Variants in MYO1H observed in about 807,000 individuals in gnomAD.
MYO1H encodes myosin IH.
Under a neutral mutation model 149.3 loss-of-function variants are expected in MYO1H, and 118 were observed. The ratio of observed to expected loss-of-function variants is 0.79; its 90% CI spans 0.68 to 0.92. The LOEUF is 0.92. Among genes scored for constraint, MYO1H ranks in the 40% least tolerant of loss-of-function variants. MYO1H has a pLI of 0.00. For synonymous variants in MYO1H, 447 were observed against 465.2 expected, an observed-to-expected ratio of 0.96 and a Z score of 0.50; for missense variants, 1,212 against 1,280.7, an observed-to-expected ratio of 0.95 and a Z score of 0.82.
At chr12:109,316,052 A>T in the MYO1H span, among the ~76,000 whole-genome samples, 1 of 151,750 alleles carries the variant, frequency 6.6e-6, no homozygotes, top group Admixed American at 6.6e-5. Flanking sequence ...GTAACTCTTG[A>T]TTAGAATAAT....
In MYO1H at chr12:109,411,645, T is replaced by C. The variant is rs191757339; in HGVS notation, c.1411-249T>C. ...GTGTGGAGTATCCTTGGGAAGACTT[T>C]GAGTCAGATGGTCAGAGTGTTGCCT... On this transcript the variant is annotated intron_variant, in intron 13 of 31. Coordinates refer to ENST00000310903, the Ensembl canonical transcript of MYO1H. Among the ~76,000 whole-genome samples the C allele has an allele frequency of 3.8e-3, 574 of 152,290 alleles. 7 individuals are homozygous for C. The highest frequency in any genetic ancestry group is 0.013 in the African/African-American group (544 of 41,550).
chr12:109,414,049 T>A (rs1420000845), intron 14 of MYO1H, among the ~76,000 whole-genome samples: 4 of 152,228 alleles, frequency 2.6e-5, no homozygotes, highest in Non-Finnish European at 5.9e-5. Context: ...GGACTGGTAA[T>A]GAATGCTCTG....
chr12:109,443,108 A>ATATG lies in MYO1H; in HGVS notation c.2689-405_2689-404insATGT, dbSNP rs1165852562. ...TATGTGTGTATATATGTGTACGTAT[A>ATATG]TGTGTGTATATGTGTACGTATATAT... On this transcript the variant is annotated intron_variant, in intron 27 of 31. Transcript: ENST00000310903. 2.8e-5 allele frequency among the ~76,000 whole-genome samples: 2 copies of ATATG among 71,060 alleles called. 1 individual carries two copies. Among genetic ancestry groups the ATATG allele is most frequent in the Admixed American group, 2.8e-4 (2 of 7,228 alleles). 46.6% of individuals were successfully genotyped at this position (71,060 alleles called of 152,430 possible).
chr12:109,329,780 G>A, the MYO1H span, among the ~76,000 whole-genome samples: 1 of 152,140 alleles, frequency 6.6e-6, no homozygotes, highest in African/African-American at 2.4e-5. Flanking sequence ...TACATCATGT[G>A]CCAATTATAT....
upstream of MYO1H, among the ~76,000 whole-genome samples, chr12:109,345,287 A>G (rs916501065): frequency 3.4e-4 from 52 of 152,336 alleles, no homozygotes; most frequent in African/African-American, 1.2e-3. Context: ...CATCTTGAAA[A>G]TGGGCGAAGG....
In MYO1H at chr12:109,432,936, C is replaced by A. The variant is rs372198621; in HGVS notation, c.1989C>A (p.His663Gln). 1.4e-5 allele frequency: 23 copies of A among 1,613,870 alleles called. No homozygotes were observed. The Admixed American group carries it at 3.8e-4, about 27-fold the overall frequency. The change falls in exon 20 of 32, where the codon CAC becomes CAA. Residue 663 changes from histidine to glutamine, a missense_variant. Coordinates refer to ENST00000310903, the Ensembl canonical transcript of MYO1H. ...GCCCAGACACCTGGCCGCACTGGCACGGGCCTCCAGCAGAGGGCGTGGAAC... is the reference window on the plus strand; with the variant it reads ...GCCCAGACACCTGGCCGCACTGGCAAGGGCCTCCAGCAGAGGGCGTGGAAC...
intron 15 of MYO1H, 144 bp from the exon 16 acceptor site, chr12:109,420,837 A>C (rs1871141383): frequency 3.0e-6 from 2 of 664,122 alleles, no homozygotes; most frequent in Non-Finnish European, 5.4e-6. Context: ...CCCAGCCCCA[A>C]ATACCCATAG....
In MYO1H at chr12:109,403,978, A is replaced by G. The variant is rs374594796; in HGVS notation, c.751-4A>G. 7.4e-6 allele frequency: 12 copies of G among 1,610,940 alleles called. No individual in the cohort carries two copies. Among genetic ancestry groups the G allele is most frequent in the Non-Finnish European group, 9.3e-6 (11 of 1,177,504 alleles). On this transcript the variant is annotated splice_region_variant and splice_polypyrimidine_tract_variant and intron_variant, in intron 6 of 31. Coordinates refer to ENST00000310903, the Ensembl canonical transcript of MYO1H. ...ATTAAGTGACTCAAACTTTTTGTCA[A>G]CAGGGTCATTGTGCCAAAGAGTCAT...
chr12:109,320,925 C>G, the MYO1H span, among the ~76,000 whole-genome samples: 1 of 151,484 alleles, frequency 6.6e-6, no homozygotes, highest in Non-Finnish European at 1.5e-5. Flanking sequence ...CCATCTCTAC[C>G]AAAAATAACA....
intron 7 of MYO1H, among the ~76,000 whole-genome samples, chr12:109,405,011 G>A (rs1031935975): frequency 9.2e-5 from 14 of 152,022 alleles, no homozygotes; most frequent in Non-Finnish European, 1.5e-5. Context: ...AGCAGTTTGA[G>A]ACTAGCCTGG....
At chr12:109,400,570 C>T (rs1046762509) in intron 5 of MYO1H, among the ~76,000 whole-genome samples, 1 of 151,946 alleles carries the variant, frequency 6.6e-6, no homozygotes, top group African/African-American at 2.4e-5. Context: ...AATAAAAATC[C>T]TTTATTGGAT....
chr12:109,447,017 C>A, intron 31 of MYO1H, 142 bp from the exon 32 acceptor site: 1 of 799,552 alleles, frequency 1.3e-6, no homozygotes, highest in Non-Finnish European at 2.1e-6. Context: ...CTAAGTCTGG[C>A]TTGTCTCATG....
intron 1 of MYO1H, among the ~76,000 whole-genome samples, chr12:109,353,778 A>G (rs190281032): frequency 6.6e-6 from 1 of 152,028 alleles, no homozygotes; most frequent in Admixed American, 6.5e-5. Context: ...CAGCCTCCTA[A>G]GTAGCTGGTA....
intron 13 of MYO1H, among the ~76,000 whole-genome samples, chr12:109,411,679 G>T (rs946070997): frequency 2.0e-5 from 3 of 152,140 alleles, no homozygotes; most frequent in African/African-American, 7.2e-5. Flanking sequence ...CTTTTCATGG[G>T]ATATTCAGGC....
At chr12:109,335,810 C>G in the MYO1H span, among the ~76,000 whole-genome samples, 1 of 152,064 alleles carries the variant, frequency 6.6e-6, no homozygotes, top group African/African-American at 2.4e-5. Flanking sequence ...ATTTTATTGG[C>G]TATGTAGATG....
At chr12:109,329,909 G>T in the MYO1H span, among the ~76,000 whole-genome samples, 3 of 152,198 alleles carry the variant, frequency 2.0e-5, no homozygotes, top group Non-Finnish European at 4.4e-5. Context: ...TACAGCTGTG[G>T]ATAGGACAGC....
intron 1 of MYO1H, among the ~76,000 whole-genome samples, chr12:109,354,631 AAAAG>A (rs1485557928): frequency 1.5e-3 from 145 of 94,814 alleles, no homozygotes; most frequent in African/African-American, 0.01. Context: ...AAAAAAAAAA[AAAAG>A]AAAAGAAAAG....
intron 20 of MYO1H, among the ~76,000 whole-genome samples, chr12:109,434,145 G>GA: frequency 6.6e-6 from 1 of 152,090 alleles, no homozygotes; most frequent in Non-Finnish European, 1.5e-5. Context: ...GAGTAGCTGG[G>GA]ATTACAGGTG....
intron 27 of MYO1H, 119 bp from the exon 28 acceptor site, chr12:109,443,389 CACACAT>C (rs1194465276): frequency 1.2e-4 from 96 of 804,244 alleles, no homozygotes; most frequent in South Asian, 8.4e-4. Flanking sequence ...CACACACACA[CACACAT>C]ACACGCAAAA....
Sources: gnomAD v4.1 joint callset for allele counts (sites outside exome capture counted in the v4.1 genomes callset) on GRCh38, gnomAD v4.1.1 for gene constraint, MANE v1.5 for transcripts, NCBI Gene and HGNC (gene_info 2026-07-23, HGNC 2026-07-21) for gene names.